Variants in OPN3 observed in about 807,000 individuals in gnomAD.
The protein encoded by OPN3 is opsin-3.
OPN3 carries 29 observed loss-of-function variants against 33.8 expected under a neutral mutation model. The observed-to-expected ratio is 0.86, with a 90% CI of 0.64 to 1.17. OPN3 has a LOEUF of 1.17. Ranked by LOEUF, OPN3 falls within the 50% of genes most tolerant of loss-of-function variation. The pLI is 0.00. For synonymous variants in OPN3, 216 were observed against 216.1 expected (o/e 1.00, Z 0.00); for missense variants, 437 against 514.1 (o/e 0.85, Z 1.45).
intron 1 of OPN3, among the ~76,000 whole-genome samples, chr1:241,607,554 AG>A (rs1663865958): frequency 6.7e-6 from 1 of 148,306 alleles, no homozygotes; most frequent in East Asian, 2.1e-4. Flanking sequence ...GAAGGAAGGA[AG>A]GAAGGAAGAA....
chr1:241,611,543 C>T (rs1663996963), intron 1 of OPN3, among the ~76,000 whole-genome samples: 1 of 151,186 alleles, frequency 6.6e-6, no homozygotes, highest in South Asian at 2.1e-4. Flanking sequence ...AGCCAATCCT[C>T]TTATCCTATT....
chr1:241,626,511 C>A (rs1233090282), intron 1 of OPN3, among the ~76,000 whole-genome samples: 1 of 152,082 alleles, frequency 6.6e-6, no homozygotes, highest in Non-Finnish European at 1.5e-5. Context: ...GAGAACAGAA[C>A]AATGTACAGC....
At chr1:241,631,096 A>G (rs1313159969) in intron 1 of OPN3, 1 of 152,122 alleles carries the variant, frequency 6.6e-6, no homozygotes, top group Non-Finnish European at 1.5e-5. Context: ...CAGTAAGTCC[A>G]TTAGGGTCAA....
chr1:241,634,024 G>A (rs200186834), intron 1 of OPN3: 1 of 1,613,796 alleles, frequency 6.2e-7, no homozygotes, highest in Non-Finnish European at 8.5e-7. Context: ...CCAGGCCACA[G>A]TCAGGCCCAG....
intron 1 of OPN3, among the ~76,000 whole-genome samples, chr1:241,608,186 T>C (rs904190451): frequency 6.6e-5 from 10 of 152,218 alleles, no homozygotes; most frequent in African/African-American, 1.7e-4. Flanking sequence ...TAGTCTTTCA[T>C]AGGCAAGAAA....
At chr1:241,636,925 C>T (rs1031414084) in intron 1 of OPN3, among the ~76,000 whole-genome samples, 2 of 150,570 alleles carry the variant, frequency 1.3e-5, no homozygotes, top group South Asian at 2.1e-4. Flanking sequence ...AAGACTAACA[C>T]TGTTTGTTCT....
At chr1:241,603,794 G>C (rs1191401625) in intron 2 of OPN3, among the ~76,000 whole-genome samples, 1 of 152,128 alleles carries the variant, frequency 6.6e-6, no homozygotes, top group Non-Finnish European at 1.5e-5. Flanking sequence ...AGTTCAAACT[G>C]GAAAGTTCTT....
At chr1:241,609,983 A>G (rs577472252) in intron 1 of OPN3, among the ~76,000 whole-genome samples, 3 of 152,376 alleles carry the variant, frequency 2.0e-5, no homozygotes, top group South Asian at 2.1e-4. Flanking sequence ...GTATACAACC[A>G]TATTTAAACT....
intron 1 of OPN3, 29 bp downstream of exon 1, chr1:241,639,853 G>C: frequency 1.3e-6 from 2 of 1,489,116 alleles, no homozygotes; most frequent in Non-Finnish European, 1.8e-6. Flanking sequence ...TTTGCAGAGG[G>C]GAGGCTGCCT....
At chr1:241,627,060 T>A (rs1309865599) in intron 1 of OPN3, among the ~76,000 whole-genome samples, 1 of 152,162 alleles carries the variant, frequency 6.6e-6, no homozygotes, top group Non-Finnish European at 1.5e-5. Flanking sequence ...GAATTAAATA[T>A]ATATTTAGCA....
intron 1 of OPN3, among the ~76,000 whole-genome samples, chr1:241,611,460 G>A (rs1663991181): frequency 6.9e-6 from 1 of 145,528 alleles, no homozygotes; most frequent in Non-Finnish European, 1.5e-5. Context: ...CCACCTGAGT[G>A]AGTCTTAAAG....
At chr1:241,604,950 G>A (rs779657188) in intron 1 of OPN3, among the ~76,000 whole-genome samples, 5 of 151,874 alleles carry the variant, frequency 3.3e-5, no homozygotes, top group Non-Finnish European at 5.9e-5. Flanking sequence ...AGCTACTCAG[G>A]AGGCTGAGGC....
At chr1:241,604,034 C>T (rs994302473) in intron 2 of OPN3, among the ~76,000 whole-genome samples, 4 of 152,078 alleles carry the variant, frequency 2.6e-5, no homozygotes, top group African/African-American at 9.7e-5. Context: ...ATTTTTCTTT[C>T]CTTCTTTTGG....
chr1:241,628,068 G>T (rs1379644242), intron 1 of OPN3, among the ~76,000 whole-genome samples: 1 of 152,202 alleles, frequency 6.6e-6, no homozygotes, highest in Non-Finnish European at 1.5e-5. Flanking sequence ...AGACTTCGGA[G>T]AGTGTTAAAC....
rs745324260 is a variant in OPN3, at chr1:241,639,886, G to A, written c.369C>T (p.Leu123=). Residue 123 remains leucine (L), a synonymous_variant, in exon 1 of 4, where the codon CTC becomes CTT. Transcript: ENST00000366554. ...GCVWDGFSGS[L]FGIVSIATLT... ...CCTTCTCCCAGTCCAACTCACCGAAGAGGCTGCCGCTAAACCCGTCCCACA... is the reference window on the plus strand; with the variant it reads ...CCTTCTCCCAGTCCAACTCACCGAAAAGGCTGCCGCTAAACCCGTCCCACA... The A allele has an allele frequency of 2.5e-6, 4 of 1,574,126 alleles. No homozygotes were observed. Among genetic ancestry groups the A allele is most frequent in the Admixed American group, 1.8e-5 (1 of 55,944 alleles).
chr1:241,634,302 C>A, intron 1 of OPN3: 2 of 1,613,914 alleles, frequency 1.2e-6, no homozygotes, highest in Non-Finnish European at 1.7e-6. Flanking sequence ...GTGACCCGTA[C>A]AGCACAAGCT....
chr1:241,635,902 T>C, intron 1 of OPN3: 1 of 797,982 alleles, frequency 1.3e-6, no homozygotes, highest in South Asian at 2.0e-5. Flanking sequence ...TGTTTAACGG[T>C]TACCCTTTTA....
At chr1:241,611,088 G>A (rs991082468) in intron 1 of OPN3, among the ~76,000 whole-genome samples, 1 of 152,090 alleles carries the variant, frequency 6.6e-6, no homozygotes, top group African/African-American at 2.4e-5. Context: ...GGGCTCTGGA[G>A]GTTAAATATC....
intron 1 of OPN3, among the ~76,000 whole-genome samples, chr1:241,619,041 C>T (rs1029719372): frequency 2.6e-5 from 4 of 151,982 alleles, no homozygotes; most frequent in South Asian, 2.1e-4. Flanking sequence ...TACATACTTA[C>T]AATTCAGTGC....
Sources: allele counts gnomAD v4.1 joint callset (sites outside exome capture counted in the v4.1 genomes callset), GRCh38; gene constraint gnomAD v4.1.1; transcripts MANE v1.5; gene names NCBI Gene and HGNC (gene_info 2026-07-23, HGNC 2026-07-21).